DTWD1: variants seen among roughly 807,000 people sequenced by gnomAD.
DTWD1 encodes tRNA-uridine aminocarboxypropyltransferase 1.
DTWD1 carries 27 observed loss-of-function variants against 30.2 expected under a neutral mutation model. The observed-to-expected ratio is 0.90, with a 90% CI of 0.66 to 1.23. The LOEUF is 1.23. Ranked by LOEUF, DTWD1 falls within the 50% of genes most tolerant of loss-of-function variation. The pLI is 0.00. For synonymous variants in DTWD1, 99 were observed against 113.1 expected (o/e 0.88, Z 0.79); for missense variants, 342 against 348.8 (o/e 0.98, Z 0.15).
chr15:49,626,002 C>A (rs1334385645), intron 2 of DTWD1, among the ~76,000 whole-genome samples: 3 of 151,996 alleles, frequency 2.0e-5, no homozygotes, highest in African/African-American at 7.3e-5. Context: ...AGCATGAAAA[C>A]CAAGTGTATT....
chr15:49,625,109 A>T lies in DTWD1; in HGVS notation c.-55-4A>T. The stretch of plus-strand genomic sequence containing the variant: ...TTCCTTCTCTTGATACTTTTTTTTT[A>T]CAGTGCACCTATGATATGTGTTTTA... On this transcript the variant is annotated splice_polypyrimidine_tract_variant and splice_region_variant and intron_variant, in intron 1 of 4. Coordinates refer to ENST00000403028, the MANE Select transcript of DTWD1 (RefSeq NM_001144955.2). 6.8e-7 allele frequency: 1 copy of T among 1,470,212 alleles called. No homozygotes were observed. Among genetic ancestry groups the T allele is most frequent in the Non-Finnish European group, 9.2e-7 (1 of 1,083,194 alleles). The allele number at this position is 1,470,212 out of a possible 1,614,324, so 91.1% of individuals were successfully genotyped here.
intron 3 of DTWD1, among the ~76,000 whole-genome samples, chr15:49,632,985 T>C (rs952976199): frequency 1.3e-5 from 2 of 150,088 alleles, no homozygotes; most frequent in Admixed American, 6.7e-5. Context: ...AAATTAAAAA[T>C]TAGTGCATTC....
At chr15:49,630,497 A>G (rs989959596) in intron 2 of DTWD1, among the ~76,000 whole-genome samples, 2 of 152,206 alleles carry the variant, frequency 1.3e-5, no homozygotes, top group Admixed American at 6.5e-5. Flanking sequence ...GGTTTCTTAT[A>G]TATAGTAAGG....
At chr15:49,623,509 C>G (rs2078797349) in intron 1 of DTWD1, among the ~76,000 whole-genome samples, 1 of 152,142 alleles carries the variant, frequency 6.6e-6, no homozygotes, top group East Asian at 1.9e-4. Context: ...AGTAATCCTC[C>G]CACCTTAACC....
chr15:49,633,088 T>A (rs1034522118), intron 3 of DTWD1, among the ~76,000 whole-genome samples: 21 of 147,638 alleles, frequency 1.4e-4, no homozygotes, highest in African/African-American at 5.1e-4. Context: ...TTTGGTTGAG[T>A]TTATATAAAA....
intron 2 of DTWD1, among the ~76,000 whole-genome samples, chr15:49,629,304 T>C (rs773553194): frequency 1.1e-3 from 165 of 152,366 alleles, no homozygotes; most frequent in Non-Finnish European, 1.9e-3. Context: ...TGCATAATTA[T>C]GCTTGCAGAC....
At position 49,632,208 on chromosome 15, in the gene DTWD1, A is replaced by G. The variant is rs2078930638; in HGVS notation, c.314A>G (p.Lys105Arg). The G allele has an allele frequency of 6.3e-7, 1 of 1,596,128 alleles. No homozygotes were observed. The highest frequency in any genetic ancestry group is 2.3e-5 in the East Asian group (1 of 44,220). ...AAACATCCAAATGAAACAGATGGCA[A>G]AAGTACTGCTATACATGCAAAACTC... ...IIKHPNETDGKSTAIHAKLLA... is the reference protein window; with the variant it reads ...IIKHPNETDGRSTAIHAKLLA... Residue 105 changes from lysine to arginine, a missense_variant, in exon 3 of 5, where the codon AAA becomes AGA. Transcript: ENST00000403028.
intron 2 of DTWD1, chr15:49,631,021 GA>G: frequency 2.3e-6 from 1 of 443,006 alleles, no homozygotes; most frequent in Non-Finnish European, 4.6e-6. Flanking sequence ...CAAGTTGCAG[GA>G]AAACCAGCTC....
At chr15:49,623,940 C>G (rs550986125) in intron 1 of DTWD1, 10 of 152,110 alleles carry the variant, frequency 6.6e-5, no homozygotes, top group Non-Finnish European at 1.2e-4. Context: ...AAAATATTTA[C>G]TGTATTTTGT....
Position 49,646,927 on chromosome 15 carries a change from C to T in DTWD1, c.*3349C>T. On this transcript the variant is annotated 3_prime_UTR_variant, in exon 5 of 5. Coordinates refer to ENST00000403028, the MANE Select transcript of DTWD1 (RefSeq NM_001144955.2). Reference sequence around the variant, plus strand: ...TTCTAGGGAAGTCAGGTGTTTTAGTCTGGATTTAGTTAGAAAAGCAGCATC... The same window carrying T: ...TTCTAGGGAAGTCAGGTGTTTTAGTTTGGATTTAGTTAGAAAAGCAGCATC... 6.6e-6 allele frequency: 1 copy of T among 151,998 alleles called. No individual in the cohort carries two copies. The highest frequency in any genetic ancestry group is 1.9e-4 in the East Asian group (1 of 5,168). The allele number at this position is 151,998 out of a possible 1,614,324, so 9.4% of individuals were successfully genotyped here. A position where few individuals can be genotyped will look rare whatever the true frequency, so the allele number is the denominator to read the frequency against.
intron 4 of DTWD1, among the ~76,000 whole-genome samples, chr15:49,642,768 A>G (rs918213731): frequency 1.3e-5 from 2 of 152,132 alleles, no homozygotes; most frequent in Non-Finnish European, 2.9e-5. Flanking sequence ...AAAAATAAAA[A>G]TAAAAAATCT....
In DTWD1 at chr15:49,655,883, A is replaced by G. The variant is rs1426381761; in HGVS notation, c.*12305A>G. 3 of 152,090 alleles carry G rather than the reference A, an allele frequency of 2.0e-5. No individual in the cohort carries two copies. The highest frequency in any genetic ancestry group is 4.4e-5 in the Non-Finnish European group (3 of 67,992). 9.4% of individuals were successfully genotyped at this position (152,090 alleles called of 1,614,324 possible). A position where few individuals can be genotyped will look rare whatever the true frequency, so the allele number is the denominator to read the frequency against. On this transcript the variant is annotated 3_prime_UTR_variant, in exon 5 of 5. Coordinates refer to ENST00000403028, the MANE Select transcript of DTWD1 (RefSeq NM_001144955.2). Reference sequence around the variant, plus strand: ...GTTTATGGGAAGATATGCCATCTACATAATTTACCTTCCTCTCTAGGCCCA... The same window carrying G: ...GTTTATGGGAAGATATGCCATCTACGTAATTTACCTTCCTCTCTAGGCCCA...
At chr15:49,628,325 T>C (rs2078872302) in intron 2 of DTWD1, among the ~76,000 whole-genome samples, 1 of 152,198 alleles carries the variant, frequency 6.6e-6, no homozygotes, top group African/African-American at 2.4e-5. Flanking sequence ...CTAATTAGGA[T>C]GAGTGTACTC....
In DTWD1 at chr15:49,632,257, T is replaced by C. The variant is rs779694535; in HGVS notation, c.363T>C (p.Ile121=). The C allele has an allele frequency of 4.4e-6, 7 of 1,596,518 alleles. No individual in the cohort carries two copies. In the South Asian group the frequency reaches 8.1e-5, roughly 18 times the overall value. Residue 121 remains isoleucine (I), a synonymous_variant, in exon 3 of 5, where the codon ATT becomes ATC. Transcript: ENST00000403028. The part of the protein sequence containing the change: ...AKLLAPEFVN[I]YTYPCIPEYE... Reference sequence around the variant, plus strand: ...TCTTAGCACCTGAATTTGTAAACATTTACACGTATCCGTGTATTCCAGAAT... The same window carrying C: ...TCTTAGCACCTGAATTTGTAAACATCTACACGTATCCGTGTATTCCAGAAT...
chr15:49,621,921 A>G (rs1026338714), intron 1 of DTWD1, among the ~76,000 whole-genome samples: 1 of 152,190 alleles, frequency 6.6e-6, no homozygotes, highest in African/African-American at 2.4e-5. Context: ...CTAATACTGA[A>G]TTGGTCCACA....
At position 49,647,216 on chromosome 15, in the gene DTWD1, TC is replaced by T. The variant is rs1312410651; in HGVS notation, c.*3639del. The T allele has an allele frequency of 6.6e-6, 1 of 152,216 alleles. No homozygotes were observed. Among genetic ancestry groups the T allele is most frequent in the Non-Finnish European group, 1.5e-5 (1 of 68,034 alleles). The allele number at this position is 152,216 out of a possible 1,614,324, so 9.4% of individuals were successfully genotyped here. On this transcript the variant is annotated 3_prime_UTR_variant, in exon 5 of 5. Transcript: ENST00000403028. The stretch of plus-strand genomic sequence containing the variant: ...ATCCTGAAGGTCCCCCTAAATCCCT[TC>T]AGAAGTCTTAAAAAGGAGTAAATGG...
rs776977996 is a variant in DTWD1 at position 49,634,519 on chromosome 15, A to C, written c.409-17A>C. 1 of 1,588,332 alleles carries C rather than the reference A, an allele frequency of 6.3e-7. No homozygotes were observed. The highest frequency in any genetic ancestry group is 1.8e-5 in the Admixed American group (1 of 54,068). Reference sequence around the variant, plus strand: ...GATCATAGTAGCACACTGCTAACCCAATTTTCTTTGTTTTAGGTTGCACTC... The same window carrying C: ...GATCATAGTAGCACACTGCTAACCCCATTTTCTTTGTTTTAGGTTGCACTC... On this transcript the variant is annotated splice_polypyrimidine_tract_variant and intron_variant, in intron 3 of 4. Coordinates refer to ENST00000403028, the MANE Select transcript of DTWD1 (RefSeq NM_001144955.2).
In DTWD1 at chr15:49,655,953, A is replaced by G. The variant is rs1384484414; in HGVS notation, c.*12375A>G. 2 of 152,130 alleles carry G rather than the reference A, an allele frequency of 1.3e-5. No homozygotes were observed. The highest frequency in any genetic ancestry group is 2.1e-4 in the South Asian group (1 of 4,832). 9.4% of individuals were successfully genotyped at this position (152,130 alleles called of 1,614,324 possible). A position where few individuals can be genotyped will look rare whatever the true frequency, so the allele number is the denominator to read the frequency against. The stretch of plus-strand genomic sequence containing the variant: ...ATTAATACTACATTTTAGTATGAAT[A>G]TAAGTTAAACTTAGAGGTGATATCT... On this transcript the variant is annotated 3_prime_UTR_variant, in exon 5 of 5. Transcript: ENST00000403028.
intron 1 of DTWD1, among the ~76,000 whole-genome samples, chr15:49,622,510 A>G (rs1156407979): frequency 6.6e-6 from 1 of 152,198 alleles, no homozygotes; most frequent in Non-Finnish European, 1.5e-5. Flanking sequence ...TAAGTTCCAG[A>G]ATGATGGACG....
Sources: allele counts gnomAD v4.1 joint callset (sites outside exome capture counted in the v4.1 genomes callset), GRCh38; gene constraint gnomAD v4.1.1; transcripts MANE v1.5; gene names NCBI Gene and HGNC (gene_info 2026-07-23, HGNC 2026-07-21).